HMGXB3: variants seen among roughly 807,000 people sequenced by gnomAD.
HMGXB3 encodes HMG-box containing 3, also known as HMG domain-containing protein 3.
In HMGXB3, 45 loss-of-function variants were observed where a neutral mutation model predicts 121.5. That is an observed-to-expected ratio of 0.37 (90% CI 0.29 to 0.47). The LOEUF (loss-of-function observed/expected upper bound fraction) is 0.47. Among genes scored for constraint, HMGXB3 ranks in the 20% least tolerant of loss-of-function variants. The pLI, the probability that HMGXB3 is intolerant of heterozygous loss-of-function variation, is 0.99. For synonymous variants in HMGXB3, 590 were observed against 624.1 expected (o/e 0.95, Z 0.81); for missense variants, 1,376 against 1,602.2 (o/e 0.86, Z 2.41).
chr5:150,021,819 T>C, intron 6 of HMGXB3: 2 of 507,934 alleles, frequency 3.9e-6, no homozygotes, highest in South Asian at 2.8e-5. Context: ...TCAGCACACA[T>C]CTTCTCCAGG....
At chr5:150,045,797 G>A in intron 16 of HMGXB3, 112 bp downstream of exon 16, 1 of 769,456 alleles carries the variant, frequency 1.3e-6, no homozygotes. Flanking sequence ...CCCCGCTGCA[G>A]GACTCCTTTC....
intron 5 of HMGXB3, among the ~76,000 whole-genome samples, chr5:150,013,604 A>G (rs778597350): frequency 6.6e-6 from 1 of 152,180 alleles, no homozygotes; most frequent in Non-Finnish European, 1.5e-5. Context: ...TCTTTTCCTT[A>G]AATGGTAGTA....
At chr5:150,005,135 G>A in intron 2 of HMGXB3, 146 bp downstream of exon 2, 1 of 1,139,810 alleles carries the variant, frequency 8.8e-7, no homozygotes, top group Non-Finnish European at 1.2e-6. Context: ...GAAGTGGAGG[G>A]ATTTCTGCCA....
intron 13 of HMGXB3, among the ~76,000 whole-genome samples, chr5:150,039,009 A>G (rs970119950): frequency 6.6e-6 from 1 of 152,222 alleles, no homozygotes; most frequent in African/African-American, 2.4e-5. Flanking sequence ...TAATTTTATA[A>G]GAAAACTGCA....
chr5:150,016,358 AAAAGG>A lies in HMGXB3; in HGVS notation c.910-2206_910-2202del, dbSNP rs201989927. On this transcript the variant is annotated intron_variant, in intron 5 of 19. Transcript: ENST00000502717. Reference sequence around the variant, plus strand: ...TCTGTCTCAAAAAAAAAAAAAAAAAAAAAGGAGGTGACATTTAACTATCCTTGTAG... The same window carrying A: ...TCTGTCTCAAAAAAAAAAAAAAAAAAAGGTGACATTTAACTATCCTTGTAG... Among the ~76,000 whole-genome samples, 1,308 of 149,866 alleles carry A rather than the reference AAAAGG, an allele frequency of 8.7e-3. 9 individuals are homozygous for A. The highest frequency in any genetic ancestry group is 0.015 in the Non-Finnish European group (1,042 of 67,472).
chr5:150,050,174 A>G, intron 18 of HMGXB3, 78 bp from the exon 19 acceptor site: 1 of 1,252,062 alleles, frequency 8.0e-7, no homozygotes. Context: ...CTTCCTGGGA[A>G]GAAGCGAGTG....
chr5:150,043,997 G>T (rs1265178077), intron 15 of HMGXB3, among the ~76,000 whole-genome samples: 1 of 152,096 alleles, frequency 6.6e-6, no homozygotes, highest in Non-Finnish European at 1.5e-5. Flanking sequence ...CCCTGCAAAG[G>T]TGCCATCTCC....
intron 13 of HMGXB3, among the ~76,000 whole-genome samples, chr5:150,039,738 TG>T (rs1253262722): frequency 6.7e-6 from 1 of 149,842 alleles, no homozygotes; most frequent in East Asian, 1.9e-4. Flanking sequence ...TTGTACCTGG[TG>T]ATTTCTGGGG....
At chr5:150,002,578 C>T (rs2113719126) in intron 1 of HMGXB3, among the ~76,000 whole-genome samples, 1 of 152,314 alleles carries the variant, frequency 6.6e-6, no homozygotes, top group South Asian at 2.1e-4. Context: ...TATGTTATTT[C>T]CTCTTGTAAA....
rs752669211 is a variant in HMGXB3 at position 150,024,491 on chromosome 5, A to G, written c.1271A>G (p.His424Arg). The G allele has an allele frequency of 3.2e-6, 5 of 1,551,620 alleles. No homozygotes were observed. The highest frequency in any genetic ancestry group is 4.9e-5 in the East Asian group (2 of 40,928). Residue 424 changes from histidine to arginine, a missense_variant, in exon 7 of 20, where the codon CAT (histidine) becomes CGT (arginine). Around this residue, in one of 2 missense-constraint regions of HMGXB3, gnomAD observed 1,116 missense variants for 1,369.0 expected, o/e 0.82. Transcript: ENST00000502717. ...GAGGAAGTGATCATCTCCGATGCCC[A>G]TGTTTTGGTTAAGGAAGCTCCCGGG... is the stretch of plus-strand genomic sequence containing the variant. ...EWEEVIISDA[H>R]VLVKEAPGNC...
chr5:150,011,985 T>C (rs1369674302), intron 4 of HMGXB3, among the ~76,000 whole-genome samples: 1 of 152,224 alleles, frequency 6.6e-6, no homozygotes, highest in East Asian at 1.9e-4. Flanking sequence ...ATTCTCTCAC[T>C]AACTGCTTAT....
chr5:150,037,304 G>T, intron 12 of HMGXB3, 96 bp from the exon 13 acceptor site: 1 of 1,240,312 alleles, frequency 8.1e-7, no homozygotes, highest in Non-Finnish European at 1.1e-6. Context: ...CTAAGCTCCA[G>T]CAAATGAGAA....
chr5:150,024,181 G>A lies in HMGXB3; in HGVS notation c.1042-81G>A, dbSNP rs1373482553. ...TAGTTTCCTTATTTATTGCCCATATGTTATTAAAAATGAGAGAATGTTTGT... is the reference window on the plus strand; with the variant it reads ...TAGTTTCCTTATTTATTGCCCATATATTATTAAAAATGAGAGAATGTTTGT... On this transcript the variant is annotated intron_variant, in intron 6 of 19. Coordinates refer to ENST00000502717, the MANE Select transcript of HMGXB3 (RefSeq NM_014983.3). The A allele has an allele frequency of 5.2e-6, 6 of 1,145,568 alleles. No homozygotes were observed. In the Admixed American group the frequency reaches 8.9e-5, roughly 17 times the overall value. 71.0% of individuals were successfully genotyped at this position (1,145,568 alleles called of 1,614,324 possible).
chr5:150,005,967 G>C (rs1158256138), intron 2 of HMGXB3, among the ~76,000 whole-genome samples: 2 of 152,316 alleles, frequency 1.3e-5, no homozygotes, highest in Middle Eastern at 3.4e-3. Context: ...CCAGTCAAAT[G>C]AGCCTTTGCT....
chr5:150,012,038 C>T (rs1290366464), intron 4 of HMGXB3, among the ~76,000 whole-genome samples: 2 of 152,222 alleles, frequency 1.3e-5, no homozygotes, highest in African/African-American at 4.8e-5. Flanking sequence ...TCAGTTTTCT[C>T]ATCTATAAAA....
At chr5:150,014,020 C>G (rs1020825924) in intron 5 of HMGXB3, among the ~76,000 whole-genome samples, 9 of 152,222 alleles carry the variant, frequency 5.9e-5, no homozygotes, top group African/African-American at 1.9e-4. Flanking sequence ...AATGGACAAA[C>G]CACTTGTTGC....
In HMGXB3 at chr5:150,010,529, C is replaced by T. The variant is rs1342385708; in HGVS notation, c.731C>T (p.Ser244Leu). The T allele has an allele frequency of 6.4e-6, 10 of 1,551,570 alleles. No individual in the cohort carries two copies. The East Asian group carries it at 2.4e-4, about 38-fold the overall frequency. ...LVIEETLVNG[S>L]PDLPTGSLAV... is the part of the protein sequence containing the mutation. ...ATTGAAGAGACCTTGGTGAATGGCTCACCAGACCTCCCCACTGGAAGCCTG... is the reference window on the plus strand; with the variant it reads ...ATTGAAGAGACCTTGGTGAATGGCTTACCAGACCTCCCCACTGGAAGCCTG... Residue 244 changes from serine (S) to leucine (L), a missense_variant, in exon 4 of 20, where the codon TCA becomes TTA. Transcript: ENST00000502717.
At chr5:150,039,379 T>C (rs1386829919) in intron 13 of HMGXB3, among the ~76,000 whole-genome samples, 4 of 152,204 alleles carry the variant, frequency 2.6e-5, no homozygotes, top group African/African-American at 7.2e-5. Flanking sequence ...ACTTTTTTTT[T>C]TCAGTGCTAA....
chr5:150,031,874 G>A (rs1756390852), intron 10 of HMGXB3, among the ~76,000 whole-genome samples: 1 of 152,044 alleles, frequency 6.6e-6, no homozygotes, highest in African/African-American at 2.4e-5. Context: ...TTATCCTGGA[G>A]ATCTGCTCAG....
Sources: gnomAD v4.1 joint callset for allele counts (sites outside exome capture counted in the v4.1 genomes callset) on GRCh38, gnomAD v4.1.1 for gene constraint, gnomAD v4.1.1 regional missense constraint, MANE v1.5 for transcripts, NCBI Gene and HGNC (gene_info 2026-07-23, HGNC 2026-07-21) for gene names.